NKD1: variants seen among roughly 807,000 people sequenced by gnomAD.
NKD1 encodes protein naked cuticle homolog 1.
A neutral mutation model predicts 56.0 loss-of-function variants in NKD1; 21 were observed. That is an observed-to-expected ratio of 0.38 (90% confidence interval 0.27 to 0.54). NKD1 has a LOEUF of 0.54. NKD1 is among the 20% of genes least tolerant of loss of function. NKD1 has a pLI of 0.82. For synonymous variants in NKD1, 263 were observed against 265.7 expected, an observed-to-expected ratio of 0.99 and a Z score of 0.10; for missense variants, 578 against 642.7, an observed-to-expected ratio of 0.90 and a Z score of 1.09.
Position 50,630,296 on chromosome 16 carries a change from C to T in NKD1, c.573C>T (p.Gly191=). The T allele has an allele frequency of 1.2e-6, 2 of 1,614,164 alleles. No homozygotes were observed. Among genetic ancestry groups the T allele is most frequent in the Non-Finnish European group, 1.7e-6 (2 of 1,180,022 alleles). The change falls in exon 7 of 10, where the codon GGC becomes GGT. Residue 191 remains glycine (G), a synonymous_variant. Coordinates refer to ENST00000268459, the MANE Select transcript of NKD1 (RefSeq NM_033119.5). ...TAAAGCTCACCGTGGCCCCCGATGGCAGCCAGAGCAAGAGGAGCGTCCTTG... is the reference window on the plus strand; with the variant it reads ...TAAAGCTCACCGTGGCCCCCGATGGTAGCCAGAGCAAGAGGAGCGTCCTTG... ...LRVKLTVAPD[G]SQSKRSVLVN... is the part of the protein sequence containing the mutation.
intron 4 of NKD1, chr16:50,616,043 G>C (rs546675273): frequency 2.0e-5 from 9 of 455,232 alleles, no homozygotes; most frequent in Admixed American, 2.4e-5. Context: ...GCATTCCCTC[G>C]AACAGCTGCT....
Position 50,634,394 on chromosome 16 carries a change from CAA to C in NKD1, c.*614_*615del, listed in dbSNP as rs1476345888. ...TCCAGTGGGATCAAGCCCTTTTCCC[CAA>C]GAGTCCCATCTCTTCTGCCATGCAC... On this transcript the variant is annotated 3_prime_UTR_variant, in exon 10 of 10. Transcript: ENST00000268459. The C allele has an allele frequency of 6.6e-6, 1 of 152,522 alleles. No individual in the cohort carries two copies. The highest frequency in any genetic ancestry group is 1.5e-5 in the Non-Finnish European group (1 of 68,044). 9.4% of individuals were successfully genotyped at this position (152,522 alleles called of 1,614,324 possible). A position where few individuals can be genotyped will look rare whatever the true frequency, so the allele number is the denominator to read the frequency against.
In NKD1 at chr16:50,644,695, G is replaced by T. The variant is rs1321175665; in HGVS notation, c.*10914G>T. The T allele has an allele frequency of 6.6e-6, 1 of 152,196 alleles. No individual in the cohort carries two copies. The allele number at this position is 152,196 out of a possible 1,614,324, so 9.4% of individuals were successfully genotyped here. A position where few individuals can be genotyped will look rare whatever the true frequency, so the allele number is the denominator to read the frequency against. ...CCAGATCCTCTCCAGATGGGCCCCT[G>T]GCCATCTTAGCCAACATCACCTGAT... On this transcript the variant is annotated 3_prime_UTR_variant, in exon 10 of 10. Coordinates refer to ENST00000268459, the MANE Select transcript of NKD1 (RefSeq NM_033119.5).
At chr16:50,561,659 T>C (rs1425701709) in intron 3 of NKD1, among the ~76,000 whole-genome samples, 2 of 152,126 alleles carry the variant, frequency 1.3e-5, no homozygotes, top group Non-Finnish European at 2.9e-5. Context: ...CAGATTTACA[T>C]GGTGGCTGTC....
rs1463345238 is a variant in NKD1, at chr16:50,623,937, G to A, written c.367-1548G>A. On this transcript the variant is annotated intron_variant, in intron 5 of 9. Coordinates refer to ENST00000268459, the MANE Select transcript of NKD1 (RefSeq NM_033119.5). The surrounding 1 kb of genome is among the most constrained non-coding windows in gnomAD (Gnocchi z 4.1). ...CCTCAGAGAGCAATGAGGGCCCTTG[G>A]CAGTTATCAAACGGGTGTGGCTGAA... Among the ~76,000 whole-genome samples the A allele has an allele frequency of 6.6e-6, 1 of 152,050 alleles. No individual in the cohort carries two copies. The highest frequency in any genetic ancestry group is 2.4e-5 in the African/African-American group (1 of 41,364).
intron 4 of NKD1, among the ~76,000 whole-genome samples, chr16:50,613,229 C>T (rs535948481): frequency 7.9e-5 from 12 of 152,102 alleles, no homozygotes; most frequent in African/African-American, 2.4e-4. Flanking sequence ...CCGAGGAGGC[C>T]GTGGGATACC....
chr16:50,570,755 A>G lies in NKD1; in HGVS notation c.192+21200A>G, dbSNP rs571734933. On this transcript the variant is annotated intron_variant, in intron 3 of 9. Coordinates refer to ENST00000268459, the MANE Select transcript of NKD1 (RefSeq NM_033119.5). ...CCAGCCTTTGGAGGCAGAACGGGGT[A>G]GGACTTCCACTCCCAGGATCTATGG... 9.5e-6 allele frequency: 9 copies of G among 944,160 alleles called. No individual in the cohort carries two copies. The South Asian group carries it at 4.4e-4, about 46-fold the overall frequency. 58.5% of individuals were successfully genotyped at this position (944,160 alleles called of 1,614,324 possible).
chr16:50,551,026 C>T (rs1474874182), intron 3 of NKD1, among the ~76,000 whole-genome samples: 5 of 152,186 alleles, frequency 3.3e-5, no homozygotes, highest in Non-Finnish European at 5.9e-5. Context: ...TGAAATACAG[C>T]GAGGGCTTAC....
intron 3 of NKD1, chr16:50,551,983 A>C (rs921186157): frequency 6.6e-6 from 1 of 152,182 alleles, no homozygotes; most frequent in Non-Finnish European, 1.5e-5. Flanking sequence ...CCGAAGGGGT[A>C]GCTGGTAGGT....
rs1018634090 is a variant in NKD1 at position 50,548,419 on chromosome 16, A to C, written c.-135A>C. ...TCAGTCGGGCCGCGGCGACGGCGGC[A>C]GGAGCGCGTCCCGGCGCCGCCTCGG... On this transcript the variant is annotated 5_prime_UTR_variant, in exon 1 of 10. Coordinates refer to ENST00000268459, the MANE Select transcript of NKD1 (RefSeq NM_033119.5). 1.4e-4 allele frequency: 28 copies of C among 202,248 alleles called. No homozygotes were observed. The highest frequency in any genetic ancestry group is 2.3e-3 in the Middle Eastern group (1 of 432). 12.5% of individuals were successfully genotyped at this position (202,248 alleles called of 1,614,324 possible). A position where few individuals can be genotyped will look rare whatever the true frequency, so the allele number is the denominator to read the frequency against.
chr16:50,639,757 A>G lies in NKD1; in HGVS notation c.*5976A>G, dbSNP rs1417516767. ...GCGAAAGATGGCCACATTTAGTGAGACCCCTAAGGTCCTCCAACTAGGGTG... is the reference window on the plus strand; with the variant it reads ...GCGAAAGATGGCCACATTTAGTGAGGCCCCTAAGGTCCTCCAACTAGGGTG... On this transcript the variant is annotated 3_prime_UTR_variant, in exon 10 of 10. Transcript: ENST00000268459. The G allele has an allele frequency of 2.0e-5, 3 of 152,112 alleles. No individual in the cohort carries two copies. The East Asian group carries it at 5.8e-4, about 29-fold the overall frequency. 9.4% of individuals were successfully genotyped at this position (152,112 alleles called of 1,614,324 possible).
At chr16:50,608,082 G>T (rs1445646359) in intron 3 of NKD1, 8 of 565,868 alleles carry the variant, frequency 1.4e-5, no homozygotes, top group Non-Finnish European at 1.9e-5. Flanking sequence ...GCCTGTGGTG[G>T]CCTGAATGTT....
intron 3 of NKD1, among the ~76,000 whole-genome samples, chr16:50,576,267 A>G (rs899402731): frequency 6.6e-6 from 1 of 152,224 alleles, no homozygotes; most frequent in African/African-American, 2.4e-5. Context: ...GCCTCAGAGC[A>G]GAGCTGGGAG....
At chr16:50,619,469 G>A (rs538284332) in intron 4 of NKD1, among the ~76,000 whole-genome samples, 1 of 152,172 alleles carries the variant, frequency 6.6e-6, no homozygotes, top group Non-Finnish European at 1.5e-5. Context: ...AGGGGACTGA[G>A]GTCCAGAGGA....
chr16:50,614,192 T>G (rs574364328), intron 4 of NKD1, among the ~76,000 whole-genome samples: 1 of 152,162 alleles, frequency 6.6e-6, no homozygotes, highest in Non-Finnish European at 1.5e-5. Context: ...TGGTGGTTTT[T>G]CCTAAAAAGC....
intron 3 of NKD1, among the ~76,000 whole-genome samples, chr16:50,584,633 C>G (rs922272616): frequency 5.9e-5 from 9 of 152,204 alleles, no homozygotes; most frequent in African/African-American, 2.2e-4. Context: ...GCATGTGGCA[C>G]AGTGTCTGGC....
chr16:50,587,406 T>G (rs1334062084), intron 3 of NKD1, among the ~76,000 whole-genome samples: 1 of 152,184 alleles, frequency 6.6e-6, no homozygotes, highest in African/African-American at 2.4e-5. Flanking sequence ...AATAGTAGAA[T>G]CGTCACCTCC....
At chr16:50,583,734 G>A (rs1961168267) in intron 3 of NKD1, among the ~76,000 whole-genome samples, 1 of 152,148 alleles carries the variant, frequency 6.6e-6, no homozygotes, top group Non-Finnish European at 1.5e-5. Context: ...TGCCTTTTAA[G>A]TATATAAAAG....
intron 3 of NKD1, among the ~76,000 whole-genome samples, chr16:50,564,529 A>G (rs1231759410): frequency 6.6e-6 from 1 of 152,218 alleles, no homozygotes; most frequent in African/African-American, 2.4e-5. Context: ...CTGAGGCCAG[A>G]CTGTAAAGTC....
Sources: allele counts gnomAD v4.1 joint callset (sites outside exome capture counted in the v4.1 genomes callset), GRCh38; gene constraint gnomAD v4.1.1; non-coding constraint Gnocchi (gnomAD v3.1); transcripts MANE v1.5; gene names NCBI Gene and HGNC (gene_info 2026-07-23, HGNC 2026-07-21).